Variants in PSD3 observed in about 807,000 individuals in gnomAD.
The protein encoded by PSD3 is pleckstrin and Sec7 domain containing 3.
Under a neutral mutation model 105.5 loss-of-function variants are expected in PSD3, and 49 were observed. The ratio of observed to expected loss-of-function variants is 0.46; its 90% CI spans 0.37 to 0.59. The LOEUF is 0.59. PSD3 is among the 20% of genes least tolerant of loss of function. PSD3 has a pLI of 0.00. For synonymous variants in PSD3, 557 were observed against 457.8 expected (o/e 1.22, Z -2.77); for missense variants, 1,561 against 1,263.8 (o/e 1.24, Z -3.57).
chr8:18,879,357 C>T (rs1004293383), intron 2 of PSD3, among the ~76,000 whole-genome samples: 10 of 152,174 alleles, frequency 6.6e-5, no homozygotes, highest in Non-Finnish European at 1.5e-4. Context: ...CTATTAAATA[C>T]TGGAGTAGTT....
At chr8:18,700,100 C>G (rs1040862706) in intron 9 of PSD3, among the ~76,000 whole-genome samples, 7 of 152,140 alleles carry the variant, frequency 4.6e-5, no homozygotes, top group Non-Finnish European at 8.8e-5. Context: ...TTTTCATTTT[C>G]CTAGGCCAAG....
At chr8:18,901,302 G>C (rs1819487250) in intron 2 of PSD3, among the ~76,000 whole-genome samples, 2 of 152,200 alleles carry the variant, frequency 1.3e-5, no homozygotes, top group Non-Finnish European at 1.5e-5. Context: ...GTCAAAACCT[G>C]TGTTGTTAAT....
chr8:18,575,397 G>GA, intron 12 of PSD3, 112 bp from the exon 13 acceptor site: 2 of 990,006 alleles, frequency 2.0e-6, no homozygotes, highest in East Asian at 2.9e-5. Flanking sequence ...GTAAGTGAAT[G>GA]AAAAAAATGA....
At chr8:18,915,854 G>C (rs530637060) in intron 2 of PSD3, among the ~76,000 whole-genome samples, 1 of 152,142 alleles carries the variant, frequency 6.6e-6, no homozygotes, top group South Asian at 2.1e-4. Context: ...CAGCACTTTG[G>C]GAGGCCAAGG....
intron 9 of PSD3, among the ~76,000 whole-genome samples, chr8:18,688,873 A>C (rs1800808553): frequency 6.6e-6 from 1 of 152,246 alleles, no homozygotes; most frequent in Admixed American, 6.5e-5. Flanking sequence ...GGCTTCCTGG[A>C]GAGAAGCAGC....
intron 9 of PSD3, among the ~76,000 whole-genome samples, chr8:18,732,675 G>T (rs369427482): frequency 6.6e-6 from 1 of 152,166 alleles, no homozygotes; most frequent in African/African-American, 2.4e-5. Flanking sequence ...AAGGCCTGCC[G>T]TTACAACAGC....
chr8:18,591,476 G>A (rs886232291), intron 12 of PSD3, among the ~76,000 whole-genome samples: 32 of 152,166 alleles, frequency 2.1e-4, no homozygotes, highest in African/African-American at 7.2e-4. Flanking sequence ...TCTACTTTGG[G>A]AGGGCTGAAG....
At chr8:19,040,364 C>T (rs1409968062) in intron 1 of PSD3, among the ~76,000 whole-genome samples, 1 of 152,120 alleles carries the variant, frequency 6.6e-6, no homozygotes, top group African/African-American at 2.4e-5. Flanking sequence ...GCCACCACCC[C>T]TGGCTAATTT....
chr8:18,886,357 C>A (rs1446741422), intron 2 of PSD3, among the ~76,000 whole-genome samples: 2 of 152,150 alleles, frequency 1.3e-5, no homozygotes, highest in Non-Finnish European at 2.9e-5. Context: ...GCCGGCATCT[C>A]TCTGATGACT....
At chr8:18,669,644 G>A (rs775150274) in intron 9 of PSD3, among the ~76,000 whole-genome samples, 2 of 152,152 alleles carry the variant, frequency 1.3e-5, no homozygotes, top group Non-Finnish European at 2.9e-5. Context: ...AGATTGCATC[G>A]CACTACGCCG....
intron 1 of PSD3, among the ~76,000 whole-genome samples, chr8:19,025,480 A>C (rs1421061450): frequency 2.0e-5 from 3 of 152,070 alleles, no homozygotes; most frequent in African/African-American, 7.2e-5. Context: ...CTCGTCCTTG[A>C]GTTTCTTGAC....
At chr8:18,547,095 C>T (rs1269529561) in intron 15 of PSD3, among the ~76,000 whole-genome samples, 1 of 152,084 alleles carries the variant, frequency 6.6e-6, no homozygotes, top group African/African-American at 2.4e-5. Context: ...GATCTGAGTC[C>T]ACAGTTGTTC....
chr8:18,568,812 C>T (rs568148337), intron 14 of PSD3, among the ~76,000 whole-genome samples: 157 of 151,876 alleles, frequency 1.0e-3, no homozygotes, highest in Middle Eastern at 3.4e-3. Flanking sequence ...CCCACTAACT[C>T]GTCATCTAGC....
chr8:18,878,103 G>A (rs1222618872), intron 2 of PSD3, among the ~76,000 whole-genome samples: 3 of 151,992 alleles, frequency 2.0e-5, no homozygotes, highest in African/African-American at 7.3e-5. Context: ...ACCATGGGCT[G>A]TCTTTTCACT....
At chr8:18,807,121 T>G (rs932562876) in intron 4 of PSD3, among the ~76,000 whole-genome samples, 5 of 152,194 alleles carry the variant, frequency 3.3e-5, no homozygotes, top group Non-Finnish European at 5.9e-5. Context: ...CAAAAACCAT[T>G]GTAGTAAAAA....
chr8:18,805,051 C>A (rs1811082744), intron 4 of PSD3, among the ~76,000 whole-genome samples, 153 bp from the exon 5 acceptor site: 1 of 152,042 alleles, frequency 6.6e-6, no homozygotes, highest in Non-Finnish European at 1.5e-5. Flanking sequence ...TTTTCAGTTA[C>A]CATATTTTAA....
intron 9 of PSD3, among the ~76,000 whole-genome samples, chr8:18,707,195 G>A (rs1052262289): frequency 6.6e-6 from 1 of 151,910 alleles, no homozygotes; most frequent in Non-Finnish European, 1.5e-5. Flanking sequence ...CTTCAAAAAC[G>A]CCTCAAAGCT....
At chr8:18,674,761 C>A (rs1247315099) in intron 9 of PSD3, among the ~76,000 whole-genome samples, 2 of 152,080 alleles carry the variant, frequency 1.3e-5, no homozygotes, top group East Asian at 3.9e-4. Flanking sequence ...GATCCCAGCA[C>A]TTTGGGAGGC....
At chr8:19,069,606 C>T (rs1057286626) in intron 1 of PSD3, among the ~76,000 whole-genome samples, 5 of 152,120 alleles carry the variant, frequency 3.3e-5, no homozygotes, top group African/African-American at 9.7e-5. Context: ...CGTGATAATA[C>T]CTACGATTTA....
Sources: allele counts gnomAD v4.1 joint callset (sites outside exome capture counted in the v4.1 genomes callset), GRCh38; gene constraint gnomAD v4.1.1; transcripts MANE v1.5; gene names NCBI Gene and HGNC (gene_info 2026-07-23, HGNC 2026-07-21).